Variants in EMSY observed in about 807,000 individuals in gnomAD.
The protein encoded by EMSY is BRCA2-interacting transcriptional repressor EMSY.
In EMSY, 26 loss-of-function variants were observed where a neutral mutation model predicts 134.6. The ratio of observed to expected loss-of-function variants is 0.19; its 90% confidence interval spans 0.14 to 0.27. The LOEUF is 0.27. EMSY is among the 10% of genes least tolerant of loss of function. The probability of loss-of-function intolerance (pLI) is 1.00; values close to 1 mark genes in which losing one functional copy is unlikely to be tolerated. For synonymous variants in EMSY, 579 were observed against 577.8 expected, an observed-to-expected ratio of 1.00 and a Z score of -0.03; for missense variants, 1,305 against 1,611.4, an observed-to-expected ratio of 0.81 and a Z score of 3.26.
At chr11:76,514,166 T>C (rs1950370301) in intron 10 of EMSY, among the ~76,000 whole-genome samples, 1 of 151,700 alleles carries the variant, frequency 6.6e-6, no homozygotes, top group Admixed American at 6.6e-5. Flanking sequence ...TTTGTTTTTG[T>C]TTTTTTCCTT....
intron 9 of EMSY, among the ~76,000 whole-genome samples, chr11:76,506,504 A>G (rs1447421879): frequency 2.6e-5 from 4 of 152,380 alleles, no homozygotes; most frequent in Middle Eastern, 6.8e-3. Flanking sequence ...AATTATCCTG[A>G]CAGTGTAAGA....
chr11:76,461,695 G>A (rs944310241), intron 6 of EMSY, among the ~76,000 whole-genome samples: 3 of 152,200 alleles, frequency 2.0e-5, no homozygotes, highest in African/African-American at 7.2e-5. Context: ...ACTTTGGGAG[G>A]CTGAGGTGGG....
At chr11:76,459,971 C>A in exon 6 of EMSY, 2 of 1,614,176 alleles carry the variant, frequency 1.2e-6, no homozygotes, top group Non-Finnish European at 1.7e-6. Flanking sequence ...CACGTCAACC[C>A]CAACCTCTAC....
chr11:76,463,457 A>G (rs1288411213), intron 6 of EMSY, among the ~76,000 whole-genome samples: 2 of 151,874 alleles, frequency 1.3e-5, no homozygotes, highest in Non-Finnish European at 2.9e-5. Context: ...CCCCGTCTCT[A>G]CTAAAAATAC....
At chr11:76,465,118 C>G (rs1383515181) in intron 7 of EMSY, among the ~76,000 whole-genome samples, 1 of 152,152 alleles carries the variant, frequency 6.6e-6, no homozygotes, top group East Asian at 1.9e-4. Flanking sequence ...TTATGTCCTT[C>G]AATTCTGATA....
chr11:76,547,859 G>A (rs1951709352), intron 20 of EMSY, among the ~76,000 whole-genome samples: 1 of 152,168 alleles, frequency 6.6e-6, no homozygotes, highest in African/African-American at 2.4e-5. Context: ...GTTCTTTACA[G>A]AATTCGCAGC....
chr11:76,542,525 T>C (rs1951477901), intron 18 of EMSY, among the ~76,000 whole-genome samples, 158 bp downstream of exon 19: 1 of 152,224 alleles, frequency 6.6e-6, no homozygotes, highest in Admixed American at 6.5e-5. Flanking sequence ...TTAAGAGTCT[T>C]AACACCAGAA....
chr11:76,505,341 G>A (rs566484426), intron 9 of EMSY, among the ~76,000 whole-genome samples: 2 of 149,386 alleles, frequency 1.3e-5, no homozygotes, highest in Non-Finnish European at 1.5e-5. Context: ...GATTACAGGC[G>A]CGCACCATCA....
intron 2 of EMSY, among the ~76,000 whole-genome samples, chr11:76,451,220 A>G (rs1414809504): frequency 1.3e-5 from 2 of 152,166 alleles, no homozygotes; most frequent in Non-Finnish European, 2.9e-5. Flanking sequence ...TTTCCCAATT[A>G]GTCATTTTGA....
rs1191438706 is a variant in EMSY, at chr11:76,465,130, A to T, written c.831+1050A>T. ...TATTTATGTCCTTCAATTCTGATAC[A>T]TTTCTTGAGTTATTTGATTTGTCTC... is the stretch of plus-strand genomic sequence containing the variant. On this transcript the variant is annotated intron_variant, in intron 7 of 20. Coordinates refer to ENST00000334736, the Ensembl canonical transcript of EMSY. 2.6e-5 allele frequency among the ~76,000 whole-genome samples: 4 copies of T among 152,074 alleles called. No individual in the cohort carries two copies. In the East Asian group the frequency reaches 7.7e-4, roughly 29 times the overall value.
At chr11:76,501,559 C>T (rs748311092) in intron 9 of EMSY, among the ~76,000 whole-genome samples, 19 of 151,970 alleles carry the variant, frequency 1.3e-4, no homozygotes, top group African/African-American at 3.9e-4. Flanking sequence ...AAAAAATGCA[C>T]GAGAGGGGTT....
intron 8 of EMSY, among the ~76,000 whole-genome samples, chr11:76,491,735 AT>A (rs1461677786): frequency 6.6e-6 from 1 of 152,216 alleles, no homozygotes; most frequent in Non-Finnish European, 1.5e-5. Context: ...ATGCTGGGTT[AT>A]CCCGTGAACT....
At chr11:76,530,474 T>G (rs1951001092) in intron 14 of EMSY, among the ~76,000 whole-genome samples, 1 of 152,242 alleles carries the variant, frequency 6.6e-6, no homozygotes, top group Non-Finnish European at 1.5e-5. Context: ...TCTTCAGTTT[T>G]TATTCTAAGA....
At chr11:76,504,499 A>AGACT (rs2135966355) in intron 9 of EMSY, among the ~76,000 whole-genome samples, 1 of 152,340 alleles carries the variant, frequency 6.6e-6, no homozygotes, top group African/African-American at 2.4e-5. Context: ...TACACAAAGC[A>AGACT]GACTGCCTAG....
intron 11 of EMSY, among the ~76,000 whole-genome samples, chr11:76,517,961 C>G (rs1950504912): frequency 6.6e-6 from 1 of 152,026 alleles, no homozygotes; most frequent in African/African-American, 2.4e-5. Context: ...TTACATCTCA[C>G]TATTCTTTAT....
intron 8 of EMSY, among the ~76,000 whole-genome samples, chr11:76,494,651 CT>C (rs1590888829): frequency 0.26 from 468 of 1,816 alleles, 8 homozygotes; most frequent in Middle Eastern, 0.5. Flanking sequence ...TTTCCTTTCC[CT>C]TCCTTCCTTC....
chr11:76,487,642 C>T lies in EMSY; in HGVS notation c.1109-8573C>T, dbSNP rs150842370. ...CACATGGGTGCCCAAGATAGTGACA[C>T]CTTTGCTTTCTGATGGTTCAGTGTA... is the stretch of plus-strand genomic sequence containing the variant. On this transcript the variant is annotated intron_variant, in intron 8 of 20. Transcript: ENST00000334736. 3.0e-3 allele frequency among the ~76,000 whole-genome samples: 459 copies of T among 152,318 alleles called. 1 individual carries two copies. The highest frequency in any genetic ancestry group is 0.011 in the African/African-American group (446 of 41,562).
At chr11:76,464,570 G>C (rs980827666) in intron 7 of EMSY, among the ~76,000 whole-genome samples, 1 of 152,050 alleles carries the variant, frequency 6.6e-6, no homozygotes, top group African/African-American at 2.4e-5. Flanking sequence ...TAAATATGTT[G>C]AAGTCATTAT....
At chr11:76,448,161 G>T (rs574907266) in intron 2 of EMSY, among the ~76,000 whole-genome samples, 3 of 152,218 alleles carry the variant, frequency 2.0e-5, no homozygotes, top group Admixed American at 6.5e-5. Context: ...GTAAATCTTT[G>T]TTGGGAATTT....
Sources: allele counts gnomAD v4.1 joint callset (sites outside exome capture counted in the v4.1 genomes callset), GRCh38; gene constraint gnomAD v4.1.1; transcripts MANE v1.5; gene names NCBI Gene and HGNC (gene_info 2026-07-23, HGNC 2026-07-21).